HIF1A: variants seen among roughly 807,000 people sequenced by gnomAD.
HIF1A encodes the protein hypoxia-inducible factor 1-alpha.
A neutral mutation model predicts 92.7 loss-of-function variants in HIF1A; 24 were observed. The ratio of observed to expected loss-of-function variants is 0.26; its 90% CI spans 0.19 to 0.36. The LOEUF is 0.36. HIF1A is among the 10% of genes least tolerant of loss of function. The pLI is 1.00. For synonymous variants in HIF1A, 319 were observed against 338.7 expected (o/e 0.94, Z 0.64); for missense variants, 799 against 998.5 (o/e 0.80, Z 2.69).
chr14:61,699,479 G>T (rs1156946294), intron 1 of HIF1A, among the ~76,000 whole-genome samples: 1 of 148,282 alleles, frequency 6.7e-6, no homozygotes, highest in Non-Finnish European at 1.5e-5. Flanking sequence ...TTTTTCTGAA[G>T]AACTCAGTTT....
In HIF1A at chr14:61,744,828, T is replaced by C. The variant is rs771775684; in HGVS notation, c.2202+15T>C. 5 of 1,281,540 alleles carry C rather than the reference T, an allele frequency of 3.9e-6. No individual in the cohort carries two copies. The highest frequency in any genetic ancestry group is 5.6e-6 in the Non-Finnish European group (5 of 885,568). The allele number at this position is 1,281,540 out of a possible 1,614,324, so 79.4% of individuals were successfully genotyped here. The stretch of plus-strand genomic sequence containing the variant: ...CAGTAGGAATTGTAAGTATGAGTAG[T>C]AGGTTTTGCTTTTCTAGCTAATGTG... On this transcript the variant is annotated intron_variant, in intron 13 of 14. Coordinates refer to ENST00000337138, the MANE Select transcript of HIF1A (RefSeq NM_001530.4).
At chr14:61,745,653 T>G in intron 13 of HIF1A, 38 bp from the exon 14 acceptor site, 1 of 1,585,410 alleles carries the variant, frequency 6.3e-7, no homozygotes, top group Non-Finnish European at 8.6e-7. Context: ...AAAAAAAAAT[T>G]CAACAAACTA....
intron 1 of HIF1A, among the ~76,000 whole-genome samples, chr14:61,702,194 G>A (rs1465667952): frequency 3.3e-5 from 5 of 151,294 alleles, no homozygotes; most frequent in South Asian, 2.1e-4. Context: ...TTGGGAGGCC[G>A]GGGCAGGTGA....
Position 61,740,884 on chromosome 14 carries a change from A to G in HIF1A, c.1789A>G (p.Ser597Gly). The change falls in exon 12 of 15, where the codon AGC becomes GGC. Residue 597 changes from serine to glycine, a missense_variant. Ser to Gly is a moderately conservative substitution (Grantham distance 56). This residue lies in a region of HIF1A where 283 missense variants were observed against 277.5 expected (regional missense o/e 1.02). Transcript: ENST00000337138. ...SASPESASPQ[S>G]TVTVFQQTQI... The stretch of plus-strand genomic sequence containing the variant: ...AAGCCCTGAAAGCGCAAGTCCTCAA[A>G]GCACAGTTACAGTATTCCAGCAGAC... 2 of 1,614,220 alleles carry G rather than the reference A, an allele frequency of 1.2e-6. No homozygotes were observed. The highest frequency in any genetic ancestry group is 1.7e-6 in the Non-Finnish European group (2 of 1,180,046).
intron 14 of HIF1A, among the ~76,000 whole-genome samples, 158 bp downstream of exon 14, chr14:61,745,975 G>C (rs887140600): frequency 6.6e-6 from 1 of 152,124 alleles, no homozygotes; most frequent in Admixed American, 6.5e-5. Context: ...TGTAATCCCA[G>C]CACTTTGGGA....
intron 1 of HIF1A, 114 bp from the exon 2 acceptor site, chr14:61,720,268 A>G (rs2140136310): frequency 1.5e-6 from 1 of 669,244 alleles, no homozygotes; most frequent in South Asian, 2.3e-5. Context: ...ACTTAATTAC[A>G]TGGCATCTTC....
At chr14:61,739,664 TTTC>T (rs1374604771) in intron 10 of HIF1A, among the ~76,000 whole-genome samples, 10 of 152,308 alleles carry the variant, frequency 6.6e-5, no homozygotes, top group African/African-American at 2.4e-4. Flanking sequence ...GAAAGCAAAA[TTTC>T]TTGTTTAGAA....
chr14:61,701,992 A>C (rs2044182706), intron 1 of HIF1A, among the ~76,000 whole-genome samples: 1 of 152,020 alleles, frequency 6.6e-6, no homozygotes, highest in Non-Finnish European at 1.5e-5. Context: ...TGTTTCAAAA[A>C]AATTAAAAAA....
chr14:61,714,029 A>T (rs917404468), intron 1 of HIF1A, among the ~76,000 whole-genome samples: 1 of 152,324 alleles, frequency 6.6e-6, no homozygotes, highest in Non-Finnish European at 1.5e-5. Context: ...GAGGGGGGAA[A>T]AAAGCTGTTG....
At chr14:61,703,911 A>T (rs924405081) in intron 1 of HIF1A, among the ~76,000 whole-genome samples, 2 of 152,172 alleles carry the variant, frequency 1.3e-5, no homozygotes, top group Non-Finnish European at 2.9e-5. Flanking sequence ...TGTTCTTGTC[A>T]TGACTTTTGG....
rs983334130 is a variant in HIF1A at position 61,747,191 on chromosome 14, G to C, written c.*106G>C. On this transcript the variant is annotated 3_prime_UTR_variant, in exon 15 of 15. Coordinates refer to ENST00000337138, the MANE Select transcript of HIF1A (RefSeq NM_001530.4). ...ATTTTAGAAGCCTGGCTACAATACT[G>C]CACAAACTTGGTTAGTTCAATTTTG... 34 of 935,836 alleles carry C rather than the reference G, an allele frequency of 3.6e-5. No homozygotes were observed. The allele number at this position is 935,836 out of a possible 1,614,324, so 58.0% of individuals were successfully genotyped here. A position where few individuals can be genotyped will look rare whatever the true frequency, so the allele number is the denominator to read the frequency against.
chr14:61,709,228 TTTG>T (rs1484823338), intron 1 of HIF1A, among the ~76,000 whole-genome samples: 1 of 152,296 alleles, frequency 6.6e-6, no homozygotes, highest in African/African-American at 2.4e-5. Context: ...GGCTCAAAGA[TTTG>T]TTGAGAGGCT....
intron 1 of HIF1A, among the ~76,000 whole-genome samples, chr14:61,714,049 T>G (rs2044336712): frequency 6.6e-6 from 1 of 152,190 alleles, no homozygotes; most frequent in Non-Finnish European, 1.5e-5. Context: ...GGAGAGTTTT[T>G]TCCAAAACAA....
At chr14:61,736,138 C>T (rs575639202) in intron 8 of HIF1A, among the ~76,000 whole-genome samples, 1 of 152,002 alleles carries the variant, frequency 6.6e-6, no homozygotes, top group East Asian at 1.9e-4. Context: ...ACCACCACAC[C>T]GGGCTAATTT....
At chr14:61,726,001 G>A (rs765947184) in intron 4 of HIF1A, among the ~76,000 whole-genome samples, 14 of 151,642 alleles carry the variant, frequency 9.2e-5, no homozygotes, top group Non-Finnish European at 1.5e-4. Context: ...TGTATTTTTA[G>A]TAGAGACAGG....
intron 1 of HIF1A, among the ~76,000 whole-genome samples, chr14:61,696,353 G>C (rs1186044868): frequency 6.6e-6 from 1 of 152,268 alleles, no homozygotes; most frequent in Non-Finnish European, 1.5e-5. Context: ...TTGGGGCCTT[G>C]AGTTCCCGAC....
At chr14:61,726,517 T>A in intron 4 of HIF1A, 189 bp from the exon 5 acceptor site, 1 of 409,720 alleles carries the variant, frequency 2.4e-6, no homozygotes. Context: ...GAATCACAGC[T>A]ACTGAGTAGT....
At chr14:61,729,592 A>G (rs1336706155) in intron 6 of HIF1A, among the ~76,000 whole-genome samples, 6 of 152,222 alleles carry the variant, frequency 3.9e-5, no homozygotes, top group Non-Finnish European at 8.8e-5. Flanking sequence ...GAATATAGAA[A>G]AGCTAAGAAT....
At chr14:61,726,664 T>C in intron 4 of HIF1A, 42 bp from the exon 5 acceptor site, 2 of 1,230,718 alleles carry the variant, frequency 1.6e-6, no homozygotes, top group Non-Finnish European at 1.2e-6. Flanking sequence ...AACAAATTTG[T>C]ATATTTAGTT....
Sources: allele counts gnomAD v4.1 joint callset (sites outside exome capture counted in the v4.1 genomes callset), GRCh38; gene constraint gnomAD v4.1.1; regional missense constraint gnomAD v4.1.1; transcripts MANE v1.5; gene names NCBI Gene and HGNC (gene_info 2026-07-23, HGNC 2026-07-21).